Variants in BCKDHB observed in about 807,000 individuals in gnomAD.
The protein encoded by BCKDHB is branched chain keto acid dehydrogenase E1 subunit beta, also known as 2-oxoisovalerate dehydrogenase subunit beta, mitochondrial.
Under a neutral mutation model 48.5 loss-of-function variants are expected in BCKDHB, and 41 were observed. That is an observed-to-expected ratio of 0.85 (90% CI 0.66 to 1.10). BCKDHB has a LOEUF of 1.10. BCKDHB is among the 50% of genes least tolerant of loss of function. BCKDHB has a pLI of 0.00. For missense variants in BCKDHB, 496 were observed against 494.2 expected (o/e 1.00, Z -0.03); for synonymous variants, 201 against 174.8 (o/e 1.15, Z -1.18).
At chr6:80,293,123 G>A (rs79367699) in intron 9 of BCKDHB, among the ~76,000 whole-genome samples, 4 of 152,148 alleles carry the variant, frequency 2.6e-5, no homozygotes, top group African/African-American at 9.7e-5. Context: ...TCGAGAGGAC[G>A]GTGGCCCTCT....
chr6:80,405,943 A>G, the BCKDHB span, among the ~76,000 whole-genome samples: 1 of 152,260 alleles, frequency 6.6e-6, no homozygotes, highest in East Asian at 1.9e-4. Context: ...TGTCATTTAC[A>G]TTAGGTATTT....
intron 8 of BCKDHB, among the ~76,000 whole-genome samples, chr6:80,247,649 T>G (rs2127928077): frequency 6.6e-6 from 1 of 152,342 alleles, no homozygotes; most frequent in East Asian, 1.9e-4. Context: ...TGCAGCATAT[T>G]GTCTGTACTT....
intron 9 of BCKDHB, among the ~76,000 whole-genome samples, chr6:80,305,309 A>T (rs947022292): frequency 4.6e-5 from 7 of 152,156 alleles, no homozygotes; most frequent in South Asian, 2.1e-4. Flanking sequence ...AACATTTTTT[A>T]AAAAAGACTA....
chr6:80,127,525 A>ATTTTTTTTTT, intron 1 of BCKDHB, 22 bp from the exon 2 acceptor site: 1 of 1,474,700 alleles, frequency 6.8e-7, no homozygotes, highest in Non-Finnish European at 9.4e-7. Flanking sequence ...ACACGAAATG[A>ATTTTTTTTTT]TTTTTTTTTT....
chr6:80,292,343 G>C (rs977040803), intron 9 of BCKDHB, among the ~76,000 whole-genome samples: 1 of 152,160 alleles, frequency 6.6e-6, no homozygotes, highest in East Asian at 1.9e-4. Context: ...CATGGCTGGA[G>C]AGACCTCACA....
At chr6:80,296,356 A>G (rs1199835318) in intron 9 of BCKDHB, among the ~76,000 whole-genome samples, 1 of 152,228 alleles carries the variant, frequency 6.6e-6, no homozygotes, top group African/African-American at 2.4e-5. Flanking sequence ...CCTCTGTGGC[A>G]TACAGTGATT....
intron 9 of BCKDHB, among the ~76,000 whole-genome samples, chr6:80,284,817 T>C (rs868336054): frequency 6.6e-6 from 1 of 152,140 alleles, no homozygotes; most frequent in Non-Finnish European, 1.5e-5. Flanking sequence ...ATTAGTTTGC[T>C]CTCTTAATTG....
chr6:80,287,513 A>G (rs888999482), intron 9 of BCKDHB, among the ~76,000 whole-genome samples: 2 of 150,518 alleles, frequency 1.3e-5, no homozygotes, highest in African/African-American at 4.9e-5. Flanking sequence ...TTGCTCTTTT[A>G]GCTCAGCTAG....
At chr6:80,242,981 G>A (rs566338134) in intron 8 of BCKDHB, among the ~76,000 whole-genome samples, 84 of 152,250 alleles carry the variant, frequency 5.5e-4, no homozygotes, top group South Asian at 6.2e-4. Flanking sequence ...GACATCTCTC[G>A]ATCGGGCAAA....
the BCKDHB span, among the ~76,000 whole-genome samples, chr6:80,413,223 A>G: frequency 5.9e-5 from 9 of 152,112 alleles, no homozygotes; most frequent in Admixed American, 1.3e-4. Flanking sequence ...AGACTTATCA[A>G]TCTCTCACAA....
At chr6:80,429,989 T>A in the BCKDHB span, among the ~76,000 whole-genome samples, 1 of 152,234 alleles carries the variant, frequency 6.6e-6, no homozygotes, top group Non-Finnish European at 1.5e-5. Flanking sequence ...CGGTATGCTA[T>A]TGGCTGTGGG....
the BCKDHB span, among the ~76,000 whole-genome samples, chr6:80,404,241 A>G: frequency 3.9e-5 from 6 of 151,934 alleles, no homozygotes; most frequent in South Asian, 6.2e-4. Context: ...AAAATGACTG[A>G]TTTAGTCTTC....
At chr6:80,359,028 G>C in the BCKDHB span, among the ~76,000 whole-genome samples, 6 of 152,244 alleles carry the variant, frequency 3.9e-5, no homozygotes, top group East Asian at 7.7e-4. Flanking sequence ...ATTTACTCTG[G>C]GGCTTTTTCA....
chr6:80,336,832 A>G (rs1769617707), intron 9 of BCKDHB, among the ~76,000 whole-genome samples: 1 of 152,104 alleles, frequency 6.6e-6, no homozygotes, highest in South Asian at 2.1e-4. Flanking sequence ...ACAAAATAAA[A>G]TAAGCATACT....
chr6:80,184,548 AG>A (rs1172478049), intron 6 of BCKDHB, among the ~76,000 whole-genome samples: 2 of 151,990 alleles, frequency 1.3e-5, no homozygotes, highest in African/African-American at 4.8e-5. Flanking sequence ...TATACTTTAT[AG>A]GGAGGTTCTA....
intron 8 of BCKDHB, among the ~76,000 whole-genome samples, chr6:80,232,003 T>C (rs1450951424): frequency 6.6e-6 from 1 of 152,158 alleles, no homozygotes; most frequent in Non-Finnish European, 1.5e-5. Context: ...AAAAACAGAG[T>C]ACATGTAGTT....
At chr6:80,422,730 G>C in the BCKDHB span, among the ~76,000 whole-genome samples, 1 of 152,216 alleles carries the variant, frequency 6.6e-6, no homozygotes, top group Non-Finnish European at 1.5e-5. Context: ...CTTGCATAGG[G>C]ATGGTGGCCT....
chr6:80,125,618 A>C (rs918079887), intron 1 of BCKDHB, among the ~76,000 whole-genome samples: 2 of 152,156 alleles, frequency 1.3e-5, no homozygotes, highest in African/African-American at 4.8e-5. Flanking sequence ...AGATCACTGT[A>C]GGTCTAATTT....
chr6:80,393,234 G>A, the BCKDHB span, among the ~76,000 whole-genome samples: 2 of 151,866 alleles, frequency 1.3e-5, no homozygotes. Context: ...ATTCTCCCAC[G>A]GAAGATTAAT....
Sources: allele counts gnomAD v4.1 joint callset (sites outside exome capture counted in the v4.1 genomes callset), GRCh38; gene constraint gnomAD v4.1.1; transcripts MANE v1.5; gene names NCBI Gene and HGNC (gene_info 2026-07-23, HGNC 2026-07-21).